The following DACH1 variants were observed in gnomAD, a reference collection of about 807,000 sequenced individuals.
The protein encoded by DACH1 is dachshund family transcription factor 1, also known as dachshund homolog 1.
In DACH1, 12 loss-of-function variants were observed where a neutral mutation model predicts 54.2. The observed-to-expected ratio is 0.22, with a 90% CI of 0.14 to 0.36. The LOEUF (loss-of-function observed/expected upper bound fraction) is 0.36. DACH1 is among the 10% of genes least tolerant of loss of function. The pLI, the probability that DACH1 is intolerant of heterozygous loss-of-function variation, is 1.00. For synonymous variants in DACH1, 386 were observed against 366.2 expected, an observed-to-expected ratio of 1.05 and a Z score of -0.62; for missense variants, 805 against 929.8, an observed-to-expected ratio of 0.87 and a Z score of 1.75.
At chr13:71,704,057 TAAGG>T (rs926788571) in intron 1 of DACH1, 1 of 154,788 alleles carries the variant, frequency 6.5e-6, no homozygotes, top group African/African-American at 2.4e-5. Context: ...TCTCTTCAAA[TAAGG>T]AAGTGTAGAG....
At chr13:71,534,376 G>A (rs764541845) in intron 6 of DACH1, among the ~76,000 whole-genome samples, 14 of 151,882 alleles carry the variant, frequency 9.2e-5, no homozygotes, top group South Asian at 6.3e-4. Flanking sequence ...AATTATGCTC[G>A]TTAATTTAAT....
chr13:71,593,144 G>A (rs1366233985), intron 3 of DACH1, among the ~76,000 whole-genome samples: 1 of 151,986 alleles, frequency 6.6e-6, no homozygotes, highest in Non-Finnish European at 1.5e-5. Context: ...AAGGCACTGG[G>A]GATTTATTTT....
intron 1 of DACH1, among the ~76,000 whole-genome samples, chr13:71,800,177 C>T (rs1209861241): frequency 1.3e-5 from 2 of 152,050 alleles, no homozygotes; most frequent in Non-Finnish European, 2.9e-5. Context: ...TCTAAGGTTC[C>T]ATTCGGCTCT....
intron 1 of DACH1, among the ~76,000 whole-genome samples, chr13:71,756,338 C>T (rs1454275724): frequency 6.6e-6 from 1 of 152,016 alleles, no homozygotes; most frequent in African/African-American, 2.4e-5. Flanking sequence ...AGCCACCGCA[C>T]CCGGCCAAGA....
chr13:71,548,001 A>G (rs999521658), intron 6 of DACH1, among the ~76,000 whole-genome samples: 1 of 152,196 alleles, frequency 6.6e-6, no homozygotes, highest in African/African-American at 2.4e-5. Flanking sequence ...GAGAAGTTAA[A>G]GCATTTGTGT....
chr13:71,790,754 T>C (rs1361546248), intron 1 of DACH1, among the ~76,000 whole-genome samples: 3 of 152,274 alleles, frequency 2.0e-5, no homozygotes, highest in Admixed American at 1.3e-4. Flanking sequence ...AAAGTCAAAA[T>C]CTAAGAAACA....
rs113659707 is a variant in DACH1, at chr13:71,823,014, T to A, written c.848+42908A>T. Among the ~76,000 whole-genome samples the A allele has an allele frequency of 5.8e-3, 889 of 152,246 alleles. 5 individuals carry two copies. Among genetic ancestry groups the A allele is most frequent in the African/African-American group, 0.02 (852 of 41,566 alleles). ...TGTACCTTTGAGGGACTATATCCTG[T>A]AAAATAACACAGCACCAACACAAAA... On this transcript the variant is annotated intron_variant, in intron 1 of 10. Coordinates refer to ENST00000613252, the MANE Select transcript of DACH1 (RefSeq NM_080759.6).
rs1220572371 is a variant in DACH1, at chr13:71,452,828, A to C, written c.2084-12136T>G. On this transcript the variant is annotated intron_variant, in intron 10 of 10. Transcript: ENST00000613252. ...AACTATTACCTGTTACTGAGTTAGG[A>C]CTGCATATGCAATGTGCATTTGTTA... Among the ~76,000 whole-genome samples the C allele has an allele frequency of 2.6e-5, 4 of 152,210 alleles. No individual in the cohort carries two copies. The East Asian group carries it at 7.7e-4, about 29-fold the overall frequency.
intron 1 of DACH1, among the ~76,000 whole-genome samples, chr13:71,792,033 C>T (rs1157198185): frequency 2.6e-5 from 4 of 152,252 alleles, no homozygotes; most frequent in Non-Finnish European, 2.9e-5. Context: ...TATGTCTTTG[C>T]ATTTCCTCTT....
rs1169676671 is a variant in DACH1 at position 71,440,179 on chromosome 13, T to C, written c.*476A>G. ...GCATTTTTTTTTTTCAAGAATCCTC[T>C]ATGCCCCCTACAAGTTCATTCGTTC... On this transcript the variant is annotated 3_prime_UTR_variant, in exon 11 of 11. Transcript: ENST00000613252. The C allele has an allele frequency of 6.6e-6, 1 of 152,428 alleles. No homozygotes were observed. The highest frequency in any genetic ancestry group is 1.5e-5 in the Non-Finnish European group (1 of 67,980). The allele number at this position is 152,428 out of a possible 1,614,324, so 9.4% of individuals were successfully genotyped here.
At chr13:71,834,945 C>T (rs1469143920) in intron 1 of DACH1, among the ~76,000 whole-genome samples, 1 of 152,004 alleles carries the variant, frequency 6.6e-6, no homozygotes, top group African/African-American at 2.4e-5. Context: ...TTGTCTTTCT[C>T]TCAGTGTTTG....
rs1473291749 is a variant in DACH1 at position 71,438,820 on chromosome 13, T to C, written c.*1835A>G. On this transcript the variant is annotated 3_prime_UTR_variant, in exon 11 of 11. Transcript: ENST00000613252. ...TTGTGCTCAAACAACAAAAGGTGGTTATGGAAGAACTATGCTTAGAAAACC... is the reference window on the plus strand; with the variant it reads ...TTGTGCTCAAACAACAAAAGGTGGTCATGGAAGAACTATGCTTAGAAAACC... 1 of 152,448 alleles carries C rather than the reference T, an allele frequency of 6.6e-6. No individual in the cohort carries two copies. The highest frequency in any genetic ancestry group is 1.5e-5 in the Non-Finnish European group (1 of 67,910). 9.4% of individuals were successfully genotyped at this position (152,448 alleles called of 1,614,324 possible).
chr13:71,864,504 C>A (rs1256731874), intron 1 of DACH1, among the ~76,000 whole-genome samples: 1 of 152,178 alleles, frequency 6.6e-6, no homozygotes, highest in Admixed American at 6.5e-5. Context: ...CACACACTAA[C>A]TCCGCTCCTT....
At chr13:71,596,460 T>C (rs894946590) in intron 3 of DACH1, among the ~76,000 whole-genome samples, 2 of 152,204 alleles carry the variant, frequency 1.3e-5, no homozygotes, top group Non-Finnish European at 2.9e-5. Flanking sequence ...CTGGTTTATA[T>C]ACACTGTGTT....
intron 10 of DACH1, among the ~76,000 whole-genome samples, chr13:71,454,624 G>C (rs1366224026): frequency 6.6e-6 from 1 of 152,194 alleles, no homozygotes; most frequent in Non-Finnish European, 1.5e-5. Context: ...AACTGATGGT[G>C]GCCTCTGGCC....
chr13:71,804,146 CT>C (rs1318894577), intron 1 of DACH1, among the ~76,000 whole-genome samples: 2 of 151,976 alleles, frequency 1.3e-5, no homozygotes, highest in African/African-American at 4.8e-5. Context: ...TAGCAAGACT[CT>C]AACTCTACAA....
chr13:71,759,768 C>T (rs1430922553), intron 1 of DACH1, among the ~76,000 whole-genome samples: 1 of 151,938 alleles, frequency 6.6e-6, no homozygotes, highest in African/African-American at 2.4e-5. Flanking sequence ...TTGCAATTAA[C>T]GTTTTCCCAG....
At chr13:71,786,975 T>C (rs1886619300) in intron 1 of DACH1, among the ~76,000 whole-genome samples, 1 of 152,180 alleles carries the variant, frequency 6.6e-6, no homozygotes, top group African/African-American at 2.4e-5. Flanking sequence ...CAGGCACTCC[T>C]TAGCCAGCCA....
intron 1 of DACH1, among the ~76,000 whole-genome samples, chr13:71,803,675 C>T (rs917758954): frequency 2.6e-5 from 4 of 152,082 alleles, no homozygotes; most frequent in East Asian, 1.9e-4. Flanking sequence ...ACATTTATTT[C>T]GTGGAAAAAG....
Sources: allele counts gnomAD v4.1 joint callset (sites outside exome capture counted in the v4.1 genomes callset), GRCh38; gene constraint gnomAD v4.1.1; transcripts MANE v1.5; gene names NCBI Gene and HGNC (gene_info 2026-07-23, HGNC 2026-07-21).